Variants in GRAMD1B observed in about 807,000 individuals in gnomAD.
GRAMD1B encodes protein Aster-B.
A neutral mutation model predicts 99.7 loss-of-function variants in GRAMD1B; 37 were observed. That is an observed-to-expected ratio of 0.37 (90% CI 0.29 to 0.49). The LOEUF (loss-of-function observed/expected upper bound fraction) is 0.49, where lower values mean the gene tolerates loss of function less well. Among genes scored for constraint, GRAMD1B ranks in the 20% least tolerant of loss-of-function variants. The pLI is 0.98. For missense variants in GRAMD1B, 888 were observed against 1,009.2 expected, an observed-to-expected ratio of 0.88 and a Z score of 1.63; for synonymous variants, 427 against 387.6, an observed-to-expected ratio of 1.10 and a Z score of -1.19.
chr11:123,540,597 CTGTTGT>C (rs202157501), intron 2 of GRAMD1B, among the ~76,000 whole-genome samples: 2 of 31,560 alleles, frequency 6.3e-5, no homozygotes, highest in African/African-American at 2.1e-4. Flanking sequence ...ATTTGTTTGA[CTGTTGT>C]TTTTTTTTTA....
chr11:123,481,064 C>T (rs960876999), intron 2 of GRAMD1B, among the ~76,000 whole-genome samples, 171 bp downstream of exon 2: 3 of 152,070 alleles, frequency 2.0e-5, no homozygotes, highest in African/African-American at 7.2e-5. Flanking sequence ...AACTTTCACC[C>T]CATAAAGGAG....
rs71060517 is a variant in GRAMD1B, at chr11:123,589,614, T to TTATATA, written c.685-4450_685-4445dup. Among the ~76,000 whole-genome samples the TTATATA allele has an allele frequency of 1.5e-3, 196 of 128,218 alleles. 4 individuals are homozygous for TTATATA. Among genetic ancestry groups the TTATATA allele is most frequent in the East Asian group, 3.9e-3 (18 of 4,648 alleles). 84.1% of individuals were successfully genotyped at this position (128,218 alleles called of 152,430 possible). A position where few individuals can be genotyped will look rare whatever the true frequency, so the allele number is the denominator to read the frequency against. On this transcript the variant is annotated intron_variant, in intron 4 of 19. Coordinates refer to ENST00000635736, the MANE Select transcript of GRAMD1B (RefSeq NM_001387025.1). The stretch of plus-strand genomic sequence containing the variant: ...ACCTGCCACCATGTGTGGCTAATTT[T>TTATATA]TATATATATATATATATATATATTT...
At chr11:123,561,613 C>T (rs1946775719) in intron 2 of GRAMD1B, among the ~76,000 whole-genome samples, 1 of 152,162 alleles carries the variant, frequency 6.6e-6, no homozygotes. Context: ...TTGCTCTGTC[C>T]CCGGGGCCTC....
intron 1 of GRAMD1B, among the ~76,000 whole-genome samples, chr11:123,471,753 A>C (rs1342504641): frequency 6.6e-6 from 1 of 152,192 alleles, no homozygotes; most frequent in Non-Finnish European, 1.5e-5. Flanking sequence ...ATTGAGTATA[A>C]CATCCAGTGA....
chr11:123,610,006 G>A lies in GRAMD1B; in HGVS notation c.1776+93G>A. 1.1e-6 allele frequency: 1 copy of A among 876,142 alleles called. No individual in the cohort carries two copies. The highest frequency in any genetic ancestry group is 1.8e-6 in the Non-Finnish European group (1 of 541,976). 54.3% of individuals were successfully genotyped at this position (876,142 alleles called of 1,614,324 possible). A position where few individuals can be genotyped will look rare whatever the true frequency, so the allele number is the denominator to read the frequency against. ...GGGCAGATGTCAGGAAGAAGTTTCAGGGCGCAAGTGTCATTTTGCCCCAAA... is the reference window on the plus strand; with the variant it reads ...GGGCAGATGTCAGGAAGAAGTTTCAAGGCGCAAGTGTCATTTTGCCCCAAA... On this transcript the variant is annotated intron_variant, in intron 13 of 19. Transcript: ENST00000635736. The surrounding 1 kb of genome is among the most constrained non-coding windows in gnomAD (Gnocchi z 4.1).
chr11:123,479,573 G>C (rs549942339), intron 1 of GRAMD1B, among the ~76,000 whole-genome samples: 1 of 152,146 alleles, frequency 6.6e-6, no homozygotes, highest in Middle Eastern at 3.4e-3. Context: ...GTGAAGCAGG[G>C]GTTGGCCAAC....
At chr11:123,414,313 G>T (rs1255395115) in intron 1 of GRAMD1B, among the ~76,000 whole-genome samples, 1 of 152,116 alleles carries the variant, frequency 6.6e-6, no homozygotes, top group East Asian at 1.9e-4. Context: ...CCAAAGTGTT[G>T]GGATTACAGG....
At chr11:123,570,517 G>A (rs188030721) in intron 2 of GRAMD1B, among the ~76,000 whole-genome samples, 22 of 147,012 alleles carry the variant, frequency 1.5e-4, no homozygotes, top group African/African-American at 5.3e-4. Context: ...TCCACCTCCT[G>A]GGTTCAACTG....
intron 2 of GRAMD1B, among the ~76,000 whole-genome samples, chr11:123,561,306 C>T (rs1946743483): frequency 6.6e-6 from 1 of 152,086 alleles, no homozygotes; most frequent in African/African-American, 2.4e-5. Flanking sequence ...AGGAGCTGGC[C>T]AGAGCTGTGG....
intron 2 of GRAMD1B, among the ~76,000 whole-genome samples, chr11:123,523,188 C>T (rs537085495): frequency 5.3e-5 from 8 of 152,044 alleles, no homozygotes; most frequent in Non-Finnish European, 8.8e-5. Flanking sequence ...AAAAATTAAC[C>T]GGGCATCGTG....
intron 1 of GRAMD1B, among the ~76,000 whole-genome samples, chr11:123,401,710 C>T (rs987825815): frequency 2.0e-5 from 3 of 152,024 alleles, no homozygotes; most frequent in Non-Finnish European, 4.4e-5. Flanking sequence ...ATAGTGAGAC[C>T]CTGTCTCTAC....
intron 19 of GRAMD1B, among the ~76,000 whole-genome samples, chr11:123,620,472 C>CAAAAAA (rs55787871): frequency 8.7e-5 from 6 of 69,226 alleles, no homozygotes; most frequent in Non-Finnish European, 1.2e-4. Flanking sequence ...GACTTCATCT[C>CAAAAAA]AAAAAAAAAA....
chr11:123,622,744 G>A lies in GRAMD1B; in HGVS notation c.*149G>A. 4.7e-6 allele frequency: 1 copy of A among 210,812 alleles called. No homozygotes were observed. Among genetic ancestry groups the A allele is most frequent in the Admixed American group, 5.9e-5 (1 of 16,968 alleles). 13.1% of individuals were successfully genotyped at this position (210,812 alleles called of 1,614,324 possible). On this transcript the variant is annotated 3_prime_UTR_variant, in exon 20 of 20. Transcript: ENST00000635736. ...AAAAGAGATAATGCCTATGTACCAG[G>A]GAGAAGGAGCGGGCCCTCCCGCGCC...
At chr11:123,438,237 G>A (rs1949252122) in intron 1 of GRAMD1B, among the ~76,000 whole-genome samples, 1 of 152,190 alleles carries the variant, frequency 6.6e-6, no homozygotes, top group Non-Finnish European at 1.5e-5. Context: ...GGAACCTGAA[G>A]TTCAGAGATT....
At chr11:123,379,142 T>C (rs561554258) in intron 1 of GRAMD1B, among the ~76,000 whole-genome samples, 29 of 152,272 alleles carry the variant, frequency 1.9e-4, no homozygotes, top group Middle Eastern at 3.4e-3. Context: ...GTCTCCCAAA[T>C]TCTCGCTTAC....
chr11:123,513,605 C>CTTTCTTT (rs1555050188), intron 2 of GRAMD1B, among the ~76,000 whole-genome samples: 91 of 31,766 alleles, frequency 2.9e-3, no homozygotes, highest in African/African-American at 4.8e-3. Flanking sequence ...TTCCTTCCTT[C>CTTTCTTT]CTTCCTTCCT....
intron 1 of GRAMD1B, among the ~76,000 whole-genome samples, chr11:123,436,621 G>T (rs1177275366): frequency 6.6e-6 from 1 of 152,134 alleles, no homozygotes; most frequent in African/African-American, 2.4e-5. Context: ...AGTGTTGCTC[G>T]AGGCAACTAC....
chr11:123,545,085 G>A (rs368697530), intron 2 of GRAMD1B, among the ~76,000 whole-genome samples: 2 of 152,166 alleles, frequency 1.3e-5, no homozygotes, highest in Admixed American at 6.5e-5. Flanking sequence ...CCTTGTCACC[G>A]AGGCTAAGGG....
intron 7 of GRAMD1B, among the ~76,000 whole-genome samples, chr11:123,600,210 C>G (rs936104091): frequency 3.3e-5 from 5 of 152,124 alleles, no homozygotes; most frequent in African/African-American, 9.7e-5. Context: ...AATTTCAAAA[C>G]AGGGAGAAAA....
Sources: allele counts gnomAD v4.1 joint callset (sites outside exome capture counted in the v4.1 genomes callset), GRCh38; gene constraint gnomAD v4.1.1; non-coding constraint Gnocchi (gnomAD v3.1); transcripts MANE v1.5; gene names NCBI Gene and HGNC (gene_info 2026-07-23, HGNC 2026-07-21).